Variants in MTSS1 observed in about 807,000 individuals in gnomAD.
The protein encoded by MTSS1 is protein MTSS 1.
MTSS1 carries 18 observed loss-of-function variants against 79.0 expected under a neutral mutation model. The observed-to-expected ratio is 0.23, with a 90% CI of 0.16 to 0.34. The LOEUF (loss-of-function observed/expected upper bound fraction) is 0.34, where lower values mean the gene tolerates loss of function less well. Among genes scored for constraint, MTSS1 ranks in the 10% least tolerant of loss-of-function variants. The pLI is 1.00. For synonymous variants in MTSS1, 341 were observed against 368.6 expected (o/e 0.93, Z 0.86); for missense variants, 815 against 986.2 (o/e 0.83, Z 2.33).
chr8:124,591,060 G>A, intron 4 of MTSS1, 91 bp downstream of exon 4: 1 of 1,055,788 alleles, frequency 9.5e-7, no homozygotes, highest in Non-Finnish European at 1.5e-6. Flanking sequence ...ACAGATTGTG[G>A]GGATTTAAAT....
Position 124,682,223 on chromosome 8 carries a change from G to A in MTSS1, c.208+17303C>T, listed in dbSNP as rs114808596. On this transcript the variant is annotated intron_variant, in intron 3 of 13. Coordinates refer to ENST00000518547, the MANE Select transcript of MTSS1 (RefSeq NM_014751.6). Reference sequence around the variant, plus strand: ...TTACGCTAAAGCCATTTTGGGGGTTGTCTTTAAGTGAAGTCAGAGCAGGGG... The same window carrying A: ...TTACGCTAAAGCCATTTTGGGGGTTATCTTTAAGTGAAGTCAGAGCAGGGG... Among the ~76,000 whole-genome samples, 405 of 105,258 alleles carry A rather than the reference G, an allele frequency of 3.8e-3. 2 individuals are homozygous for A. Among genetic ancestry groups the A allele is most frequent in the African/African-American group, 0.015 (388 of 26,130 alleles). The allele number at this position is 105,258 out of a possible 152,430, so 69.1% of individuals were successfully genotyped here. A position where few individuals can be genotyped will look rare whatever the true frequency, so the allele number is the denominator to read the frequency against.
chr8:124,636,678 T>C (rs1817058346), intron 3 of MTSS1, among the ~76,000 whole-genome samples: 1 of 152,172 alleles, frequency 6.6e-6, no homozygotes. Context: ...GCTGTCCACT[T>C]AGAGGTACAG....
At chr8:124,560,181 CA>C (rs1824975977) in intron 10 of MTSS1, among the ~76,000 whole-genome samples, 1 of 148,912 alleles carries the variant, frequency 6.7e-6, no homozygotes, top group South Asian at 2.1e-4. Context: ...TGCCAATTCC[CA>C]GTCGAGAAAC....
At position 124,552,577 on chromosome 8, in the gene MTSS1, T is replaced by G. The variant is rs1483902230; in HGVS notation, c.*415A>C. ...TTGCTTCTAAGCTAGACTACTACAA[T>G]GCATCTACAAAAGCTTGTGGGGAAA... On this transcript the variant is annotated 3_prime_UTR_variant, in exon 14 of 14. Transcript: ENST00000518547. 1 of 185,306 alleles carries G rather than the reference T, an allele frequency of 5.4e-6. No individual in the cohort carries two copies. The highest frequency in any genetic ancestry group is 2.4e-5 in the African/African-American group (1 of 42,050). 11.5% of individuals were successfully genotyped at this position (185,306 alleles called of 1,614,324 possible). A position where few individuals can be genotyped will look rare whatever the true frequency, so the allele number is the denominator to read the frequency against.
At chr8:124,656,346 C>T (rs1287397700) in intron 3 of MTSS1, among the ~76,000 whole-genome samples, 3 of 152,018 alleles carry the variant, frequency 2.0e-5, no homozygotes, top group African/African-American at 7.3e-5. Context: ...CTTAAGAGAG[C>T]TAAATGAGCC....
intron 3 of MTSS1, among the ~76,000 whole-genome samples, chr8:124,622,792 T>A (rs114259970): frequency 1.0e-3 from 69 of 68,356 alleles, no homozygotes; most frequent in African/African-American, 4.9e-3. Flanking sequence ...GGAGTCCATC[T>A]CAAAAAAAAA....
In MTSS1 at chr8:124,557,580, AG is replaced by A. The variant is rs1824170943; in HGVS notation, c.1230+100del. The A allele has an allele frequency of 1.1e-5, 13 of 1,196,368 alleles. No individual in the cohort carries two copies. The East Asian group carries it at 3.4e-4, about 31-fold the overall frequency. The allele number at this position is 1,196,368 out of a possible 1,614,324, so 74.1% of individuals were successfully genotyped here. ...TATGGGGAAGAAGGCAGAGTGTGAA[AG>A]GAAGGGGATGAGGGGATAGTCGGGG... is the stretch of plus-strand genomic sequence containing the variant. On this transcript the variant is annotated intron_variant, in intron 11 of 13. Coordinates refer to ENST00000518547, the MANE Select transcript of MTSS1 (RefSeq NM_014751.6).
At chr8:124,558,586 C>A in intron 10 of MTSS1, 1 of 1,322,354 alleles carries the variant, frequency 7.6e-7, no homozygotes, top group Non-Finnish European at 9.9e-7. Context: ...CCTCTGTCCC[C>A]AAGAGGAGCC....
intron 3 of MTSS1, among the ~76,000 whole-genome samples, chr8:124,608,617 C>CTT (rs1391193979): frequency 1.3e-5 from 2 of 152,170 alleles, no homozygotes; most frequent in Non-Finnish European, 2.9e-5. Context: ...CACTTAAGGC[C>CTT]TATGCAAACA....
intron 3 of MTSS1, among the ~76,000 whole-genome samples, chr8:124,629,698 C>T (rs1815515839): frequency 6.6e-6 from 1 of 152,004 alleles, no homozygotes; most frequent in South Asian, 2.1e-4. Flanking sequence ...TCCTGTCCTG[C>T]TGGAGGCTGG....
At chr8:124,643,575 G>A (rs1348139343) in intron 3 of MTSS1, among the ~76,000 whole-genome samples, 1 of 151,730 alleles carries the variant, frequency 6.6e-6, no homozygotes, top group East Asian at 1.9e-4. Context: ...GCACATACCT[G>A]TAATCCCAGC....
At chr8:124,610,184 C>A (rs1329213771) in intron 3 of MTSS1, among the ~76,000 whole-genome samples, 1 of 152,178 alleles carries the variant, frequency 6.6e-6, no homozygotes, top group African/African-American at 2.4e-5. Flanking sequence ...GATCGTGATT[C>A]TTCTTCCATA....
chr8:124,599,811 A>G (rs1481936309), intron 3 of MTSS1, among the ~76,000 whole-genome samples: 1 of 152,164 alleles, frequency 6.6e-6, no homozygotes, highest in Non-Finnish European at 1.5e-5. Flanking sequence ...CCTGCAAGCC[A>G]TAGAGTTTCA....
chr8:124,592,256 C>G (rs140082299), intron 3 of MTSS1, among the ~76,000 whole-genome samples: 272 of 152,320 alleles, frequency 1.8e-3, no homozygotes, highest in African/African-American at 6.1e-3. Flanking sequence ...CCTTCTCCCT[C>G]TTAAAAACAA....
chr8:124,585,823 C>CA (rs201343804), intron 5 of MTSS1, among the ~76,000 whole-genome samples: 221 of 151,720 alleles, frequency 1.5e-3, no homozygotes, highest in African/African-American at 3.1e-3. Flanking sequence ...TTTGCAAAAA[C>CA]AAAAAAACAA....
At chr8:124,661,982 A>G (rs1822134533) in intron 3 of MTSS1, among the ~76,000 whole-genome samples, 1 of 152,188 alleles carries the variant, frequency 6.6e-6, no homozygotes, top group Admixed American at 6.5e-5. Flanking sequence ...ATGAACACCA[A>G]GGAAGTAGCC....
At chr8:124,571,305 T>C (rs1827718823) in intron 6 of MTSS1, among the ~76,000 whole-genome samples, 1 of 152,234 alleles carries the variant, frequency 6.6e-6, no homozygotes, top group Non-Finnish European at 1.5e-5. Flanking sequence ...TCTTCTATTT[T>C]AAAATGCTGG....
chr8:124,661,012 C>T (rs958739525), intron 3 of MTSS1, among the ~76,000 whole-genome samples: 3 of 152,198 alleles, frequency 2.0e-5, no homozygotes, highest in Non-Finnish European at 2.9e-5. Context: ...CTGAGGCCAT[C>T]GTCAATCAAC....
Position 124,565,796 on chromosome 8 carries a change from G to C in MTSS1, c.727-37C>G, listed in dbSNP as rs575566382. On this transcript the variant is annotated intron_variant, in intron 8 of 13. Transcript: ENST00000518547. The stretch of plus-strand genomic sequence containing the variant: ...GAGCCAGCTGGGTGAATGAGGTGCT[G>C]AGAGGGGAAGCGTTAGCCATCAAAG... 5 of 1,511,614 alleles carry C rather than the reference G, an allele frequency of 3.3e-6. No homozygotes were observed. The East Asian group carries it at 6.8e-5, about 20-fold the overall frequency. 93.6% of individuals were successfully genotyped at this position (1,511,614 alleles called of 1,614,324 possible).
Sources: allele counts gnomAD v4.1 joint callset (sites outside exome capture counted in the v4.1 genomes callset), GRCh38; gene constraint gnomAD v4.1.1; transcripts MANE v1.5; gene names NCBI Gene and HGNC (gene_info 2026-07-23, HGNC 2026-07-21).